The following CNBD1 variants were observed in gnomAD, a reference collection of about 807,000 sequenced individuals.
CNBD1 encodes the protein cyclic nucleotide binding domain containing 1, also known as cyclic nucleotide-binding domain-containing protein 1.
A neutral mutation model predicts 54.4 loss-of-function variants in CNBD1; 71 were observed. The observed-to-expected ratio is 1.30, with a 90% CI of 1.08 to 1.59. CNBD1 has a LOEUF of 1.59. CNBD1 is among the 40% of genes most tolerant of loss of function. CNBD1 has a pLI of 0.00. For synonymous variants in CNBD1, 182 were observed against 170.7 expected, an observed-to-expected ratio of 1.07 and a Z score of -0.51; for missense variants, 659 against 518.0, an observed-to-expected ratio of 1.27 and a Z score of -2.64.
At chr8:86,938,294 C>G (rs758899062) in intron 3 of CNBD1, among the ~76,000 whole-genome samples, 1 of 152,174 alleles carries the variant, frequency 6.6e-6, no homozygotes, top group Non-Finnish European at 1.5e-5. Context: ...TAGGAAGTTA[C>G]AAAATTTCCC....
intron 3 of CNBD1, among the ~76,000 whole-genome samples, chr8:86,922,363 G>A (rs553913981): frequency 5.3e-5 from 8 of 152,218 alleles, no homozygotes; most frequent in South Asian, 2.1e-4. Context: ...AAGGCAAGGC[G>A]AGGGAGAAGT....
At chr8:87,079,992 T>C (rs1438625660) in intron 4 of CNBD1, among the ~76,000 whole-genome samples, 2 of 152,336 alleles carry the variant, frequency 1.3e-5, no homozygotes, top group East Asian at 3.9e-4. Context: ...TTGGATACAA[T>C]GTGAAGTAAA....
At chr8:87,309,920 T>C (rs1383869064) in intron 8 of CNBD1, among the ~76,000 whole-genome samples, 1 of 152,176 alleles carries the variant, frequency 6.6e-6, no homozygotes, top group Non-Finnish European at 1.5e-5. Flanking sequence ...GATGAAATGA[T>C]TCTGTACCTA....
intron 8 of CNBD1, among the ~76,000 whole-genome samples, chr8:87,317,830 T>C (rs1305613716): frequency 6.6e-6 from 1 of 151,900 alleles, no homozygotes; most frequent in Non-Finnish European, 1.5e-5. Flanking sequence ...TACATAAGAT[T>C]AGGCTCACTG....
At chr8:87,418,512 G>A (rs1807873636) in intron 2 of CNBD1, among the ~76,000 whole-genome samples, 1 of 151,674 alleles carries the variant, frequency 6.6e-6, no homozygotes, top group African/African-American at 2.4e-5. Flanking sequence ...AGATAAACTG[G>A]ACTTTATACA....
intron 5 of CNBD1, among the ~76,000 whole-genome samples, chr8:87,221,428 T>A (rs1814335735): frequency 6.6e-6 from 1 of 152,156 alleles, no homozygotes; most frequent in Non-Finnish European, 1.5e-5. Flanking sequence ...GTCCATCAAG[T>A]ACTCCATGTT....
intron 2 of CNBD1, among the ~76,000 whole-genome samples, chr8:87,400,494 G>T (rs1219236399): frequency 6.6e-6 from 1 of 151,928 alleles, no homozygotes; most frequent in Non-Finnish European, 1.5e-5. Context: ...TTAGAAAAAT[G>T]TCAGCATGTG....
chr8:87,349,394 G>A (rs1234697503), intron 8 of CNBD1, among the ~76,000 whole-genome samples: 1 of 150,812 alleles, frequency 6.6e-6, no homozygotes, highest in Non-Finnish European at 1.5e-5. Context: ...ATTTTTTTTT[G>A]AGGCGGAGTC....
downstream of CNBD1, among the ~76,000 whole-genome samples, chr8:87,387,217 C>T (rs1811207748): frequency 6.6e-6 from 1 of 152,134 alleles, no homozygotes; most frequent in Non-Finnish European, 1.5e-5. Flanking sequence ...AAATAACCAG[C>T]TAACATCGTA....
intron 4 of CNBD1, among the ~76,000 whole-genome samples, chr8:87,050,900 G>C (rs779789200): frequency 1.2e-4 from 18 of 152,152 alleles, no homozygotes; most frequent in Non-Finnish European, 2.2e-4. Flanking sequence ...CTGGCTGTAG[G>C]GGGTATTGTT....
At chr8:87,046,042 T>TAAAAAAA (rs58214390) in intron 4 of CNBD1, among the ~76,000 whole-genome samples, 1 of 71,638 alleles carries the variant, frequency 1.4e-5, no homozygotes, top group African/African-American at 5.4e-5. Context: ...CTTCCTCTCA[T>TAAAAAAA]AAAAAAAAAA....
chr8:87,081,441 C>G (rs778850624), intron 4 of CNBD1, among the ~76,000 whole-genome samples: 1 of 151,468 alleles, frequency 6.6e-6, no homozygotes, highest in Non-Finnish European at 1.5e-5. Flanking sequence ...AGTGAATGTA[C>G]CATGTGCATT....
At chr8:87,294,028 A>T (rs549452500) in intron 8 of CNBD1, among the ~76,000 whole-genome samples, 8 of 152,302 alleles carry the variant, frequency 5.3e-5, no homozygotes, top group East Asian at 1.9e-4. Flanking sequence ...TGACATCATT[A>T]AAGGTTTTGA....
intron 2 of CNBD1, among the ~76,000 whole-genome samples, chr8:87,403,027 G>A (rs890802548): frequency 1.3e-5 from 2 of 152,050 alleles, no homozygotes; most frequent in East Asian, 3.9e-4. Flanking sequence ...AATTCAAATT[G>A]ACTAGCTAAA....
At chr8:87,296,983 A>G (rs906968101) in intron 8 of CNBD1, among the ~76,000 whole-genome samples, 12 of 151,820 alleles carry the variant, frequency 7.9e-5, no homozygotes, top group South Asian at 2.1e-4. Context: ...AGGCCATCCT[A>G]GCTAACATGG....
At chr8:86,897,151 C>T (rs1808858541) in intron 2 of CNBD1, among the ~76,000 whole-genome samples, 1 of 152,146 alleles carries the variant, frequency 6.6e-6, no homozygotes, top group African/African-American at 2.4e-5. Flanking sequence ...CTGCTGTCAT[C>T]ATCTTGAAAT....
intron 1 of CNBD1, among the ~76,000 whole-genome samples, chr8:86,869,231 A>G (rs1406679659): frequency 6.6e-6 from 1 of 152,222 alleles, no homozygotes; most frequent in Non-Finnish European, 1.5e-5. Flanking sequence ...TATAAAATTA[A>G]TACGTGTTCC....
intron 4 of CNBD1, among the ~76,000 whole-genome samples, chr8:87,205,042 A>G (rs1355812817): frequency 6.6e-6 from 1 of 152,102 alleles, no homozygotes; most frequent in South Asian, 2.1e-4. Context: ...ACCTGTATGC[A>G]TACACATGGA....
chr8:87,015,274 C>T (rs1424503834), intron 4 of CNBD1, among the ~76,000 whole-genome samples: 2 of 152,124 alleles, frequency 1.3e-5, no homozygotes, highest in East Asian at 3.9e-4. Context: ...GCTCCACCTC[C>T]CAGGTTCATG....
Sources: allele counts gnomAD v4.1 joint callset (sites outside exome capture counted in the v4.1 genomes callset), GRCh38; gene constraint gnomAD v4.1.1; transcripts MANE v1.5; gene names NCBI Gene and HGNC (gene_info 2026-07-23, HGNC 2026-07-21).